BTF3: variants seen among roughly 807,000 people sequenced by gnomAD.
BTF3 encodes transcription factor BTF3.
Under a neutral mutation model 23.9 loss-of-function variants are expected in BTF3, and 12 were observed. The ratio of observed to expected loss-of-function variants is 0.50; its 90% CI spans 0.32 to 0.81. The LOEUF (loss-of-function observed/expected upper bound fraction) is 0.81, where lower values mean the gene tolerates loss of function less well. BTF3 is among the 40% of genes least tolerant of loss of function. The pLI is 0.03. For missense variants in BTF3, 215 were observed against 255.9 expected (o/e 0.84, Z 1.09); for synonymous variants, 96 against 94.8 (o/e 1.01, Z -0.07).
intron 5 of BTF3, among the ~76,000 whole-genome samples, 152 bp from the exon 6 acceptor site, chr5:73,505,038 CTT>C (rs59856963): frequency 4.2e-5 from 6 of 142,102 alleles, no homozygotes; most frequent in Non-Finnish European, 6.1e-5. Flanking sequence ...ATTTTTTTCA[CTT>C]TTTTTTTTTT....
At chr5:73,501,901 C>T (rs147600627) in intron 2 of BTF3, among the ~76,000 whole-genome samples, 68 of 152,212 alleles carry the variant, frequency 4.5e-4, no homozygotes, top group African/African-American at 1.5e-3. Context: ...GGCGCGGTGG[C>T]TCACACTTGT....
chr5:73,500,351 C>G (rs182151021), intron 2 of BTF3, among the ~76,000 whole-genome samples: 147 of 152,238 alleles, frequency 9.7e-4, no homozygotes, highest in Non-Finnish European at 9.9e-4. Flanking sequence ...ACCACTCTTA[C>G]TTTCAGTACA....
At position 73,505,111 on chromosome 5, in the gene BTF3, T is replaced by C. The variant is rs1301854693; in HGVS notation, c.575-81T>C. ...TATCATCATTGGCAAATGAATGTCT[T>C]TCCTTCATCCCCTTTTAATATCTGA... On this transcript the variant is annotated intron_variant, in intron 5 of 5. Coordinates refer to ENST00000380591, the MANE Select transcript of BTF3 (RefSeq NM_001037637.2). The C allele has an allele frequency of 1.1e-5, 13 of 1,149,124 alleles. No homozygotes were observed. In the East Asian group the frequency reaches 3.1e-4, roughly 27 times the overall value. The allele number at this position is 1,149,124 out of a possible 1,614,324, so 71.2% of individuals were successfully genotyped here.
At chr5:73,503,433 AAAAAAAT>A (rs1308317329) in intron 4 of BTF3, among the ~76,000 whole-genome samples, 1 of 152,236 alleles carries the variant, frequency 6.6e-6, no homozygotes, top group Non-Finnish European at 1.5e-5. Context: ...TGGAATTGAA[AAAAAAAT>A]TAGTGTAAAT....
rs1246545298 is a variant in BTF3, at chr5:73,498,742, C to T, written c.75C>T (p.Gly25=). ...GAGCCAGGGGCGGCTGCCCTGGGGG[C>T]GAGGCGACGCTGTCTCAACCTCCAC... is the stretch of plus-strand genomic sequence containing the variant. ...RGRARGGCPG[G]EATLSQPPPR... Residue 25 remains glycine (G), a synonymous_variant, in exon 1 of 6, where the codon GGC becomes GGT. Coordinates refer to ENST00000380591, the MANE Select transcript of BTF3 (RefSeq NM_001037637.2). The T allele has an allele frequency of 1.3e-6, 2 of 1,489,420 alleles. No individual in the cohort carries two copies. Among genetic ancestry groups the T allele is most frequent in the Non-Finnish European group, 1.8e-6 (2 of 1,130,230 alleles). 92.3% of individuals were successfully genotyped at this position (1,489,420 alleles called of 1,614,324 possible).
chr5:73,503,197 T>C, intron 4 of BTF3, 80 bp downstream of exon 4: 2 of 1,429,996 alleles, frequency 1.4e-6, no homozygotes, highest in Admixed American at 4.1e-5. Flanking sequence ...AGAATGGATA[T>C]GAGTATTTTT....
At chr5:73,498,884 T>C in intron 1 of BTF3, 85 bp downstream of exon 1, 2 of 1,465,882 alleles carry the variant, frequency 1.4e-6, no homozygotes, top group South Asian at 1.3e-5. Flanking sequence ...TGGGGGGTGC[T>C]GGCCAGGCGT....
At chr5:73,502,112 C>T (rs113875484) in intron 2 of BTF3, among the ~76,000 whole-genome samples, 2,953 of 143,142 alleles carry the variant, frequency 0.021, 98 homozygotes, top group African/African-American at 0.073. Context: ...TGCAGTGAGC[C>T]GAGATTGCGC....
At chr5:73,504,987 C>T (rs1281927702) in intron 5 of BTF3, among the ~76,000 whole-genome samples, 1 of 137,276 alleles carries the variant, frequency 7.3e-6, no homozygotes, top group East Asian at 2.8e-4. Flanking sequence ...TGGTTCTGCT[C>T]CCCCACTATT....
intron 2 of BTF3, among the ~76,000 whole-genome samples, chr5:73,502,120 C>T (rs772399743): frequency 1.8e-4 from 26 of 145,094 alleles, no homozygotes; most frequent in Non-Finnish European, 2.8e-4. Context: ...GCCGAGATTG[C>T]GCCACTCCAG....
At position 73,498,727 on chromosome 5, in the gene BTF3, C is replaced by T. The variant is rs1332661908; in HGVS notation, c.60C>T (p.Gly20=). The change falls in exon 1 of 6, where the codon GGC becomes GGT. Residue 20 remains glycine, a synonymous_variant. Transcript: ENST00000380591. ...ADSRGRGRAR[G]GCPGGEATLS... is the part of the protein sequence containing the mutation. ...CTCGGGGGCGAGGTCGAGCCAGGGG[C>T]GGCTGCCCTGGGGGCGAGGCGACGC... The T allele has an allele frequency of 2.7e-6, 4 of 1,486,508 alleles. No individual in the cohort carries two copies. Among genetic ancestry groups the T allele is most frequent in the African/African-American group, 2.9e-5 (2 of 67,816 alleles). The allele number at this position is 1,486,508 out of a possible 1,614,324, so 92.1% of individuals were successfully genotyped here.
intron 2 of BTF3, chr5:73,499,436 G>T: frequency 1.7e-6 from 1 of 598,566 alleles, no homozygotes. Flanking sequence ...GTGTTACAGA[G>T]TGTAAGTAGA....
chr5:73,500,687 A>G (rs980849480), intron 2 of BTF3, among the ~76,000 whole-genome samples: 3 of 152,190 alleles, frequency 2.0e-5, no homozygotes, highest in African/African-American at 7.2e-5. Context: ...TCTTAGGTAA[A>G]TGTTACAAAA....
At chr5:73,498,857 CAGGCCA>C (rs1007245004) in intron 1 of BTF3, 58 bp downstream of exon 1, 2 of 1,491,302 alleles carry the variant, frequency 1.3e-6, no homozygotes, top group African/African-American at 2.9e-5. Context: ...AGGCCGAGGC[CAGGCCA>C]GGGCCAGGGG....
intron 2 of BTF3, among the ~76,000 whole-genome samples, chr5:73,501,618 C>G (rs1420770907): frequency 1.3e-5 from 2 of 151,748 alleles, no homozygotes; most frequent in Non-Finnish European, 2.9e-5. Flanking sequence ...TGCAAAGGCC[C>G]TTGGGTCATA....
Position 73,503,629 on chromosome 5 carries a change from A to T in BTF3, c.517+512A>T, listed in dbSNP as rs141039908. 7.0e-3 allele frequency among the ~76,000 whole-genome samples: 1,065 copies of T among 152,332 alleles called. 22 individuals are homozygous for T. Among genetic ancestry groups the T allele is most frequent in the African/African-American group, 0.024 (1,010 of 41,572 alleles). Reference sequence around the variant, plus strand: ...CAGTGTTATGCTGTTTTCTGTGCTTAAAATTTTGAAGAATAGGAATGCAGG... The same window carrying T: ...CAGTGTTATGCTGTTTTCTGTGCTTTAAATTTTGAAGAATAGGAATGCAGG... On this transcript the variant is annotated intron_variant, in intron 4 of 5. Coordinates refer to ENST00000380591, the MANE Select transcript of BTF3 (RefSeq NM_001037637.2).
At chr5:73,505,131 AT>A in intron 5 of BTF3, 60 bp from the exon 6 acceptor site, 1 of 1,343,240 alleles carries the variant, frequency 7.4e-7, no homozygotes, top group Non-Finnish European at 1.1e-6. Flanking sequence ...CCCTTTTAAT[AT>A]CTGATAATTA....
chr5:73,504,048 A>C (rs1561255103), intron 4 of BTF3, among the ~76,000 whole-genome samples: 1 of 152,022 alleles, frequency 6.6e-6, no homozygotes, highest in East Asian at 1.9e-4. Flanking sequence ...TTTTACCTGC[A>C]CTCTAAGAGT....
At chr5:73,503,348 T>G (rs1014617243) in intron 4 of BTF3, among the ~76,000 whole-genome samples, 39 of 152,236 alleles carry the variant, frequency 2.6e-4, no homozygotes, top group Admixed American at 6.5e-5. Context: ...CTTACTTGAT[T>G]TGGATCAGAT....
Sources: gnomAD v4.1 joint callset for allele counts (sites outside exome capture counted in the v4.1 genomes callset) on GRCh38, gnomAD v4.1.1 for gene constraint, MANE v1.5 for transcripts, NCBI Gene and HGNC (gene_info 2026-07-23, HGNC 2026-07-21) for gene names.